FHIP1A: variants seen among roughly 807,000 people sequenced by gnomAD.
FHIP1A encodes FHF complex subunit HOOK-interacting protein 1A.
Under a neutral mutation model 88.6 loss-of-function variants are expected in FHIP1A, and 61 were observed. That is an observed-to-expected ratio of 0.69 (90% CI 0.56 to 0.85). The LOEUF (loss-of-function observed/expected upper bound fraction) is 0.85. Ranked by LOEUF, FHIP1A falls within the 40% of genes least tolerant of loss-of-function variation. The pLI is 0.00. For synonymous variants in FHIP1A, 478 were observed against 496.0 expected (o/e 0.96, Z 0.48); for missense variants, 1,154 against 1,273.5 (o/e 0.91, Z 1.43).
chr4:151,662,345 C>T (rs1454092919), intron 13 of FHIP1A, among the ~76,000 whole-genome samples, 156 bp from the exon 14 acceptor site: 2 of 152,148 alleles, frequency 1.3e-5, no homozygotes, highest in Non-Finnish European at 2.9e-5. Context: ...TCATGGAGTG[C>T]ACAAGGGCTG....
At chr4:151,525,467 A>G (rs1391360123) in intron 3 of FHIP1A, among the ~76,000 whole-genome samples, 3 of 152,248 alleles carry the variant, frequency 2.0e-5, no homozygotes, top group African/African-American at 7.2e-5. Flanking sequence ...TCTGATGCCA[A>G]AATGGCAGTG....
chr4:151,589,941 C>A (rs1024558625), intron 7 of FHIP1A, among the ~76,000 whole-genome samples: 1 of 152,080 alleles, frequency 6.6e-6, no homozygotes, highest in Non-Finnish European at 1.5e-5. Context: ...GTGGTTTAAA[C>A]ATAAAAATAC....
chr4:151,443,685 C>CTGTGTGTGTGTG (rs57147339), intron 1 of FHIP1A, among the ~76,000 whole-genome samples: 11,196 of 121,986 alleles, frequency 0.092, 697 homozygotes, highest in Non-Finnish European at 0.11. Flanking sequence ...ATGAAGCACT[C>CTGTGTGTGTGTG]TGTGTGTGTG....
At chr4:151,411,362 T>TTTTTTTTTTTTTTTA (rs1561483438) in intron 1 of FHIP1A, among the ~76,000 whole-genome samples, 1 of 148,944 alleles carries the variant, frequency 6.7e-6, no homozygotes, top group African/African-American at 2.5e-5. Flanking sequence ...TTTTTTTTTT[T>TTTTTTTTTTTTTTTA]AAAGTTAGGG....
chr4:151,507,875 T>C (rs1054257701), intron 3 of FHIP1A, among the ~76,000 whole-genome samples: 1 of 152,170 alleles, frequency 6.6e-6, no homozygotes, highest in Non-Finnish European at 1.5e-5. Context: ...TGAGATTGTG[T>C]TATATATTAT....
At chr4:151,603,242 G>A (rs909817876) in intron 7 of FHIP1A, among the ~76,000 whole-genome samples, 1 of 152,036 alleles carries the variant, frequency 6.6e-6, no homozygotes. Flanking sequence ...GAACCTGGGA[G>A]GTGGAGGTTG....
intron 8 of FHIP1A, among the ~76,000 whole-genome samples, chr4:151,637,454 C>T (rs1306356611): frequency 2.0e-5 from 3 of 152,138 alleles, no homozygotes; most frequent in African/African-American, 4.8e-5. Context: ...ACTCCTACAA[C>T]TCAATAATAA....
At chr4:151,472,900 C>T (rs1415038835) in intron 2 of FHIP1A, among the ~76,000 whole-genome samples, 4 of 152,150 alleles carry the variant, frequency 2.6e-5, no homozygotes, top group Non-Finnish European at 4.4e-5. Flanking sequence ...TCCTGCAAGT[C>T]TGTGGCAAGA....
At chr4:151,440,346 C>CT (rs2126558388) in intron 1 of FHIP1A, among the ~76,000 whole-genome samples, 1 of 152,244 alleles carries the variant, frequency 6.6e-6, no homozygotes, top group Non-Finnish European at 1.5e-5. Context: ...GGGTCTTTGT[C>CT]TTTTTTGTTC....
In FHIP1A at chr4:151,612,793, C is replaced by T. The variant is rs371238569; in HGVS notation, c.979-16909C>T. On this transcript the variant is annotated intron_variant, in intron 7 of 13. Transcript: ENST00000435205. ...GCTCTCAGGCTTAAATTTTGGGTGGCCTTACTTTAAAAAGAAGAAAGGAAC... is the reference window on the plus strand; with the variant it reads ...GCTCTCAGGCTTAAATTTTGGGTGGTCTTACTTTAAAAAGAAGAAAGGAAC... Among the ~76,000 whole-genome samples the T allele has an allele frequency of 6.1e-4, 93 of 152,206 alleles. 1 individual carries two copies. The South Asian group carries it at 0.018, about 30-fold the overall frequency.
At chr4:151,468,817 G>A (rs530437702) in intron 2 of FHIP1A, among the ~76,000 whole-genome samples, 2 of 123,310 alleles carry the variant, frequency 1.6e-5, no homozygotes, top group Non-Finnish European at 3.6e-5. Flanking sequence ...TACTGTGAAG[G>A]TCTGATGGAG....
At chr4:151,650,937 G>C (rs1737007464) in intron 11 of FHIP1A, among the ~76,000 whole-genome samples, 1 of 152,134 alleles carries the variant, frequency 6.6e-6, no homozygotes. Context: ...TTTCTCCTTA[G>C]CACTTATTTA....
intron 7 of FHIP1A, among the ~76,000 whole-genome samples, chr4:151,613,610 T>C (rs949501743): frequency 6.6e-6 from 1 of 152,232 alleles, no homozygotes; most frequent in Admixed American, 6.5e-5. Flanking sequence ...TGTTACTCCA[T>C]CAGTGAAATA....
chr4:151,423,543 T>G (rs1733254728), intron 1 of FHIP1A, among the ~76,000 whole-genome samples: 1 of 152,230 alleles, frequency 6.6e-6, no homozygotes, highest in Admixed American at 6.5e-5. Context: ...TTGCACAAGT[T>G]ACTTTTCTTT....
In FHIP1A at chr4:151,665,889, C is replaced by T. The variant is rs1411280874; in HGVS notation, c.*3135C>T. 6.6e-6 allele frequency among the ~76,000 whole-genome samples: 1 copy of T among 152,236 alleles called. No homozygotes were observed. Among genetic ancestry groups the T allele is most frequent in the Non-Finnish European group, 1.5e-5 (1 of 68,040 alleles). On this transcript the variant is annotated 3_prime_UTR_variant, in exon 14 of 14. Coordinates refer to ENST00000435205, the MANE Select transcript of FHIP1A (RefSeq NM_001109977.3). Reference sequence around the variant, plus strand: ...ATGTGACAGGCTCCTACACCAGTCGCTGTGCTCCTTGCTGGAAGAATGTAG... The same window carrying T: ...ATGTGACAGGCTCCTACACCAGTCGTTGTGCTCCTTGCTGGAAGAATGTAG...
At chr4:151,588,982 A>G in intron 7 of FHIP1A, 56 bp downstream of exon 7, 1 of 1,124,578 alleles carries the variant, frequency 8.9e-7, no homozygotes. Context: ...ATGGACACTG[A>G]GGAGGGTAAA....
chr4:151,578,993 C>T (rs969026135), intron 5 of FHIP1A, among the ~76,000 whole-genome samples: 1 of 152,122 alleles, frequency 6.6e-6, no homozygotes, highest in Non-Finnish European at 1.5e-5. Flanking sequence ...AGAAGCCAAT[C>T]TGAAAAGGCT....
intron 3 of FHIP1A, among the ~76,000 whole-genome samples, chr4:151,513,154 T>A (rs1157571879): frequency 6.6e-6 from 1 of 152,156 alleles, no homozygotes; most frequent in Admixed American, 6.5e-5. Flanking sequence ...TATTCAACAT[T>A]CTTAAAGAAA....
At chr4:151,599,529 A>G (rs1734780802) in intron 7 of FHIP1A, among the ~76,000 whole-genome samples, 1 of 152,186 alleles carries the variant, frequency 6.6e-6, no homozygotes, top group Non-Finnish European at 1.5e-5. Flanking sequence ...AGAGGCAGAG[A>G]AGGCTGGCTG....
Sources: gnomAD v4.1 joint callset for allele counts (sites outside exome capture counted in the v4.1 genomes callset) on GRCh38, gnomAD v4.1.1 for gene constraint, MANE v1.5 for transcripts, NCBI Gene and HGNC (gene_info 2026-07-23, HGNC 2026-07-21) for gene names.